OR5L2: variants seen among roughly 807,000 people sequenced by gnomAD.
OR5L2 encodes the protein olfactory receptor family 5 subfamily L member 2.
For synonymous variants in OR5L2, 175 were observed against 151.6 expected, an observed-to-expected ratio of 1.15 and a Z score of -1.13; for missense variants, 425 against 365.6, an observed-to-expected ratio of 1.16 and a Z score of -1.32.
In OR5L2 at chr11:55,827,946, C is replaced by T; in HGVS notation, c.728C>T (p.Ser243Phe). Residue 243 changes from serine (S) to phenylalanine (F), a missense_variant, in exon 1 of 1, where the codon TCC becomes TTC. Transcript: ENST00000378397. ...CACAAAGCTTTCTCCACCTGTGCCT[C>T]CCACCTCACAGCCATCACTGTCTCC... ...SRHKAFSTCA[S>F]HLTAITVSHG... 2 of 1,613,898 alleles carry T rather than the reference C, an allele frequency of 1.2e-6. No homozygotes were observed. Among genetic ancestry groups the T allele is most frequent in the Non-Finnish European group, 1.7e-6 (2 of 1,179,984 alleles).
In OR5L2 at chr11:55,827,668, C is replaced by G. The variant is rs1221432073; in HGVS notation, c.450C>G (p.Phe150Leu). 1 of 1,613,836 alleles carries G rather than the reference C, an allele frequency of 6.2e-7. No individual in the cohort carries two copies. The highest frequency in any genetic ancestry group is 8.5e-7 in the Non-Finnish European group (1 of 1,179,986). ...LRVELTSCCY[F>L]CGTVCSLIHS... Reference sequence around the variant, plus strand: ...TGGAGCTGACCTCTTGCTGCTACTTCTGTGGGACGGTGTGTTCTCTGATTC... The same window carrying G: ...TGGAGCTGACCTCTTGCTGCTACTTGTGTGGGACGGTGTGTTCTCTGATTC... Residue 150 changes from phenylalanine (F) to leucine (L), a missense_variant, in exon 1 of 1, where the codon TTC becomes TTG. Transcript: ENST00000378397.
Position 55,827,234 on chromosome 11 carries a change from T to G in OR5L2, c.16T>G (p.Cys6Gly), listed in dbSNP as rs377362725. MGKEN[C>G]TTVAEFILLG... ...AATTGGAGACATGGGCAAGGAAAACTGCACCACTGTGGCTGAGTTCATTCT... is the reference window on the plus strand; with the variant it reads ...AATTGGAGACATGGGCAAGGAAAACGGCACCACTGTGGCTGAGTTCATTCT... Residue 6 changes from cysteine to glycine, a missense_variant, in exon 1 of 1, where the codon TGC becomes GGC. Transcript: ENST00000378397. The G allele has an allele frequency of 6.2e-7, 1 of 1,612,918 alleles. No individual in the cohort carries two copies. Among genetic ancestry groups the G allele is most frequent in the Admixed American group, 1.7e-5 (1 of 59,926 alleles).
At position 55,827,386 on chromosome 11, in the gene OR5L2, C is replaced by G; in HGVS notation, c.168C>G (p.His56Gln). 1 of 1,614,014 alleles carries G rather than the reference C, an allele frequency of 6.2e-7. No homozygotes were observed. Reference sequence around the variant, plus strand: ...TGATTCAGGTCAGCTCTCGGCTCCACACCCCCGTGTACTTTTTCCTCAGCC... The same window carrying G: ...TGATTCAGGTCAGCTCTCGGCTCCAGACCCCCGTGTACTTTTTCCTCAGCC... ...TALIQVSSRL[H>Q]TPVYFFLSHL... Residue 56 changes from histidine to glutamine, a missense_variant, in exon 1 of 1, where the codon CAC (histidine) becomes CAG (glutamine). His to Gln is a conservative substitution (Grantham distance 24). Coordinates refer to ENST00000378397, the MANE Select transcript of OR5L2 (RefSeq NM_001004739.1).
In OR5L2 at chr11:55,827,770, C is replaced by T; in HGVS notation, c.552C>T (p.Leu184=). 6.2e-7 allele frequency: 1 copy of T among 1,613,910 alleles called. No homozygotes were observed. The highest frequency in any genetic ancestry group is 8.5e-7 in the Non-Finnish European group (1 of 1,179,988). ...ACTTCTTCTGTGATCTACCCCCTCTCCTAAGTCTTGCTTGCTCTGATGTCA... is the reference window on the plus strand; with the variant it reads ...ACTTCTTCTGTGATCTACCCCCTCTTCTAAGTCTTGCTTGCTCTGATGTCA... ...INHFFCDLPP[L]LSLACSDVTV... Residue 184 remains leucine (L), a synonymous_variant, in exon 1 of 1, where the codon CTC becomes CTT. Transcript: ENST00000378397.
Position 55,827,813 on chromosome 11 carries a change from C to T in OR5L2, c.595C>T (p.Leu199=), listed in dbSNP as rs146748101. 31 of 1,613,836 alleles carry T rather than the reference C, an allele frequency of 1.9e-5. No homozygotes were observed. In the African/African-American group the frequency reaches 4.0e-4, roughly 21 times the overall value. Residue 199 remains leucine (L), a synonymous_variant, in exon 1 of 1, where the codon CTG becomes TTG. Transcript: ENST00000378397. ...TGATGTCACTGTGAATGAGACACTG[C>T]TGTTCCTGGTGGCCACTTTGAATGA... ...CSDVTVNETL[L]FLVATLNESV...
chr11:55,827,459 A>G lies in OR5L2; in HGVS notation c.241A>G (p.Met81Val), dbSNP rs1474349727. The G allele has an allele frequency of 1.9e-6, 3 of 1,614,006 alleles. No individual in the cohort carries two copies. The East Asian group carries it at 6.7e-5, about 36-fold the overall frequency. The change falls in exon 1 of 1, where the codon ATG becomes GTG. Residue 81 changes from methionine (M) to valine (V), a missense_variant. Met to Val is a conservative substitution (Grantham distance 21). Transcript: ENST00000378397. ...CTACTCCTCAATAATTGTGCCAAAG[A>G]TGTTGGCTAATATCTTTAACAAGGA... ...FCYSSIIVPK[M>V]LANIFNKDKA...
rs780475385 is a variant in OR5L2 at position 55,828,089 on chromosome 11, A to T, written c.871A>T (p.Ser291Cys). Residue 291 changes from serine (S) to cysteine (C), a missense_variant, in exon 1 of 1, where the codon AGC becomes TGC. Coordinates refer to ENST00000378397, the MANE Select transcript of OR5L2 (RefSeq NM_001004739.1). ...TCCCATGCTGAACCCCCTGATCTAC[A>T]GCCTGAGAAATAAGGATGTGAACAA... ...VIPMLNPLIY[S>C]LRNKDVNKAL... The T allele has an allele frequency of 1.2e-6, 2 of 1,613,750 alleles. No homozygotes were observed. The highest frequency in any genetic ancestry group is 1.7e-6 in the Non-Finnish European group (2 of 1,179,856).
At position 55,827,648 on chromosome 11, in the gene OR5L2, C is replaced by G; in HGVS notation, c.430C>G (p.Leu144Val). The G allele has an allele frequency of 6.2e-7, 1 of 1,613,890 alleles. No individual in the cohort carries two copies. The highest frequency in any genetic ancestry group is 8.5e-7 in the Non-Finnish European group (1 of 1,179,996). The change falls in exon 1 of 1, where the codon CTG becomes GTG. Residue 144 changes from leucine to valine, a missense_variant. Physicochemically the swap from Leu to Val is conservative, Grantham distance 32 (BLOSUM62 1). Transcript: ENST00000378397. Reference protein sequence around the residue: ...VTMSQKLRVELTSCCYFCGTV... With the variant: ...VTMSQKLRVEVTSCCYFCGTV... ...CATGTCTCAGAAGCTGCGTGTGGAG[C>G]TGACCTCTTGCTGCTACTTCTGTGG...
Position 55,828,065 on chromosome 11 carries a change from C to T in OR5L2, c.847C>T (p.Pro283Ser). 1.2e-6 allele frequency: 2 copies of T among 1,613,730 alleles called. No individual in the cohort carries two copies. The highest frequency in any genetic ancestry group is 2.7e-5 in the African/African-American group (2 of 74,846). The change falls in exon 1 of 1, where the codon CCC becomes TCC. Residue 283 changes from proline (P) to serine (S), a missense_variant. Coordinates refer to ENST00000378397, the MANE Select transcript of OR5L2 (RefSeq NM_001004739.1). Reference protein sequence around the residue: ...VATVFYTVVIPMLNPLIYSLR... With the variant: ...VATVFYTVVISMLNPLIYSLR... ...CACCGTGTTCTACACAGTTGTGATT[C>T]CCATGCTGAACCCCCTGATCTACAG...
Position 55,827,749 on chromosome 11 carries a change from C to G in OR5L2, c.531C>G (p.Phe177Leu). The change falls in exon 1 of 1, where the codon TTC becomes TTG. Residue 177 changes from phenylalanine to leucine, a missense_variant. By Grantham distance (22) the Phe-to-Leu change is conservative. Transcript: ENST00000378397. The part of the protein sequence containing the change: ...LFYRSNVINH[F>L]FCDLPPLLSL... Reference sequence around the variant, plus strand: ...ATAGATCTAATGTGATTAACCACTTCTTCTGTGATCTACCCCCTCTCCTAA... The same window carrying G: ...ATAGATCTAATGTGATTAACCACTTGTTCTGTGATCTACCCCCTCTCCTAA... 6.2e-7 allele frequency: 1 copy of G among 1,613,906 alleles called. No homozygotes were observed. Among genetic ancestry groups the G allele is most frequent in the Non-Finnish European group, 8.5e-7 (1 of 1,180,002 alleles).
Position 55,827,802 on chromosome 11 carries a change from A to T in OR5L2, c.584A>T (p.Asn195Ile), listed in dbSNP as rs367927353. The T allele has an allele frequency of 1.9e-6, 3 of 1,613,890 alleles. No homozygotes were observed. The highest frequency in any genetic ancestry group is 2.5e-6 in the Non-Finnish European group (3 of 1,179,980). ...CTTGCTTGCTCTGATGTCACTGTGA[A>T]TGAGACACTGCTGTTCCTGGTGGCC... ...LSLACSDVTV[N>I]ETLLFLVATL... Residue 195 changes from asparagine (N) to isoleucine (I), a missense_variant, in exon 1 of 1, where the codon AAT becomes ATT. By Grantham distance (149) the Asn-to-Ile change is moderately radical. Coordinates refer to ENST00000378397, the MANE Select transcript of OR5L2 (RefSeq NM_001004739.1).
rs567560850 is a variant in OR5L2, at chr11:55,827,418, C to A, written c.200C>A (p.Ser67Tyr). 301 of 1,613,966 alleles carry A rather than the reference C, an allele frequency of 1.9e-4. 4 individuals are homozygous for A. In the South Asian group the frequency reaches 2.7e-3, roughly 14 times the overall value. ...TPVYFFLSHLSFVDFCYSSII... is the reference protein window; with the variant it reads ...TPVYFFLSHLYFVDFCYSSII... ...GTGTACTTTTTCCTCAGCCACTTGT[C>A]CTTTGTAGATTTCTGCTACTCCTCA... Residue 67 changes from serine (S) to tyrosine (Y), a missense_variant, in exon 1 of 1, where the codon TCC becomes TAC. Coordinates refer to ENST00000378397, the MANE Select transcript of OR5L2 (RefSeq NM_001004739.1).
At position 55,827,992 on chromosome 11, in the gene OR5L2, T is replaced by A. The variant is rs756572472; in HGVS notation, c.774T>A (p.Ile258=). The A allele has an allele frequency of 6.2e-7, 1 of 1,613,748 alleles. No homozygotes were observed. The highest frequency in any genetic ancestry group is 1.1e-5 in the South Asian group (1 of 91,066). The change falls in exon 1 of 1, where the codon ATT becomes ATA. Residue 258 remains isoleucine (I), a synonymous_variant. Transcript: ENST00000378397. The part of the protein sequence containing the change: ...ITVSHGTILY[I]YCRPSSGNSG... Reference sequence around the variant, plus strand: ...TCTCCCATGGAACAATCCTTTACATTTATTGCAGGCCGAGTTCAGGCAACA... The same window carrying A: ...TCTCCCATGGAACAATCCTTTACATATATTGCAGGCCGAGTTCAGGCAACA...
chr11:55,828,036 TG>T lies in OR5L2; in HGVS notation c.820del (p.Ala274ProfsTer8), dbSNP rs1853913392. 8.1e-6 allele frequency: 12 copies of T among 1,474,328 alleles called. No individual in the cohort carries two copies. The highest frequency in any genetic ancestry group is 1.1e-5 in the Non-Finnish European group (12 of 1,109,946). The allele number at this position is 1,474,328 out of a possible 1,614,324, so 91.3% of individuals were successfully genotyped here. ...GGCAACAGTGGAGATGTTGACAAAG[TG>T]GCCACCGTGTTCTACACAGTTGTGA... ...SSGNSGDVDKVATVFYTVVIP... is the reference protein window; with the variant it reads ...SSGNSGDVDKXATVFYTVVIP... On this transcript the variant is annotated frameshift_variant, in exon 1 of 1. Coordinates refer to ENST00000378397, the MANE Select transcript of OR5L2 (RefSeq NM_001004739.1). LOFTEE classifies it low-confidence loss of function (END_TRUNC).
rs188411321 is a variant in OR5L2 at position 55,828,126 on chromosome 11, A to G, written c.908A>G (p.Lys303Arg). 3.7e-6 allele frequency: 6 copies of G among 1,609,856 alleles called. No individual in the cohort carries two copies. The Admixed American group carries it at 6.7e-5, about 18-fold the overall frequency. Residue 303 changes from lysine to arginine, a missense_variant, in exon 1 of 1, where the codon AAA becomes AGA. Lys to Arg is a conservative substitution (Grantham distance 26, BLOSUM62 2). Transcript: ENST00000378397. ...AAGGATGTGAACAAAGCTCTCAGAA[A>G]AGTGATGGGCTCCAAAATTCACTCC... is the stretch of plus-strand genomic sequence containing the variant. ...RNKDVNKALR[K>R]VMGSKIHS
In OR5L2 at chr11:55,827,955, CA is replaced by C. The variant is rs772435722; in HGVS notation, c.738del (p.Ala247ProfsTer35). The C allele has an allele frequency of 3.1e-6, 5 of 1,613,888 alleles. No individual in the cohort carries two copies. The highest frequency in any genetic ancestry group is 3.4e-6 in the Non-Finnish European group (4 of 1,179,968). The stretch of plus-strand genomic sequence containing the variant: ...TTCTCCACCTGTGCCTCCCACCTCA[CA>C]GCCATCACTGTCTCCCATGGAACAA... Reference protein sequence around the residue: ...KAFSTCASHLTAITVSHGTIL... With the variant: ...KAFSTCASHLXAITVSHGTIL... On this transcript the variant is annotated frameshift_variant, in exon 1 of 1. Coordinates refer to ENST00000378397, the MANE Select transcript of OR5L2 (RefSeq NM_001004739.1). LOFTEE classifies it low-confidence loss of function (END_TRUNC).
Position 55,827,719 on chromosome 11 carries a change from C to G in OR5L2, c.501C>G (p.Leu167=), listed in dbSNP as rs1402779914. Residue 167 remains leucine, a synonymous_variant, in exon 1 of 1, where the codon CTC becomes CTG. Coordinates refer to ENST00000378397, the MANE Select transcript of OR5L2 (RefSeq NM_001004739.1). The part of the protein sequence containing the change: ...LIHSSLALRI[L]FYRSNVINHF... ...ACTCGTCCTTAGCTCTTAGGATCCTCTTCTATAGATCTAATGTGATTAACC... is the reference window on the plus strand; with the variant it reads ...ACTCGTCCTTAGCTCTTAGGATCCTGTTCTATAGATCTAATGTGATTAACC... 1 of 1,613,788 alleles carries G rather than the reference C, an allele frequency of 6.2e-7. No individual in the cohort carries two copies. The highest frequency in any genetic ancestry group is 1.7e-5 in the Admixed American group (1 of 59,976).
In OR5L2 at chr11:55,828,053, A is replaced by C. The variant is rs762522493; in HGVS notation, c.835A>C (p.Thr279Pro). The part of the protein sequence containing the change: ...DVDKVATVFY[T>P]VVIPMLNPLI... Reference sequence around the variant, plus strand: ...TGACAAAGTGGCCACCGTGTTCTACACAGTTGTGATTCCCATGCTGAACCC... The same window carrying C: ...TGACAAAGTGGCCACCGTGTTCTACCCAGTTGTGATTCCCATGCTGAACCC... Residue 279 changes from threonine to proline, a missense_variant, in exon 1 of 1, where the codon ACA becomes CCA. Transcript: ENST00000378397. 17 of 1,613,792 alleles carry C rather than the reference A, an allele frequency of 1.1e-5. No homozygotes were observed. The East Asian group carries it at 3.3e-4, about 32-fold the overall frequency.
Position 55,827,542 on chromosome 11 carries a change from A to C in OR5L2, c.324A>C (p.Gly108=), listed in dbSNP as rs61745634. 4 of 1,522,922 alleles carry C rather than the reference A, an allele frequency of 2.6e-6. 1 individual carries two copies. The highest frequency in any genetic ancestry group is 3.6e-6 in the Non-Finnish European group (4 of 1,100,938). The allele number at this position is 1,522,922 out of a possible 1,614,324, so 94.3% of individuals were successfully genotyped here. A position where few individuals can be genotyped will look rare whatever the true frequency, so the allele number is the denominator to read the frequency against. Residue 108 remains glycine, a synonymous_variant, in exon 1 of 1, where the codon GGA becomes GGC. Transcript: ENST00000378397. The part of the protein sequence containing the change: ...MVQFYLFCTC[G]VTEVFLLAVM... ...AATTCTACTTGTTTTGCACATGTGGAGTCACTGAGGTCTTCCTGCTGGCCG... is the reference window on the plus strand; with the variant it reads ...AATTCTACTTGTTTTGCACATGTGGCGTCACTGAGGTCTTCCTGCTGGCCG...
Sources: gnomAD v4.1 joint callset for allele counts on GRCh38, gnomAD v4.1.1 for gene constraint, MANE v1.5 for transcripts, NCBI Gene and HGNC (gene_info 2026-07-23, HGNC 2026-07-21) for gene names.